The following CCDC50 variants were observed in gnomAD, a reference collection of about 807,000 sequenced individuals.
CCDC50 encodes the protein coiled-coil domain containing 50.
A neutral mutation model predicts 70.2 loss-of-function variants in CCDC50; 54 were observed. The observed-to-expected ratio is 0.77, with a 90% confidence interval of 0.62 to 0.96. The LOEUF (loss-of-function observed/expected upper bound fraction) is 0.96. Ranked by LOEUF, CCDC50 falls within the 50% of genes least tolerant of loss-of-function variation. The pLI is 0.00. For missense variants in CCDC50, 558 were observed against 578.7 expected (o/e 0.96, Z 0.37); for synonymous variants, 216 against 198.8 (o/e 1.09, Z -0.73).
At chr3:191,366,718 T>C (rs1188808086) in intron 4 of CCDC50, among the ~76,000 whole-genome samples, 1 of 152,106 alleles carries the variant, frequency 6.6e-6, no homozygotes, top group Non-Finnish European at 1.5e-5. Context: ...AATATGCATC[T>C]TAAAGAGTTA....
chr3:191,369,974 A>C lies in CCDC50; in HGVS notation c.386A>C (p.Lys129Thr), dbSNP rs1383703207. The change falls in exon 5 of 12, where the codon AAA becomes ACA. Residue 129 changes from lysine to threonine, a missense_variant. Physicochemically the swap from Lys to Thr is moderately conservative, Grantham distance 78. Coordinates refer to ENST00000392455, the MANE Select transcript of CCDC50 (RefSeq NM_178335.3). ...TTACAGGAAGAGAAAAAGAGAAAGA[A>C]ACACTTTCCAGAGTTCCCTGCAACC... ...KELQEEKKRK[K>T]HFPEFPATRA... is the part of the protein sequence containing the mutation. 1.9e-6 allele frequency: 3 copies of C among 1,613,506 alleles called. No individual in the cohort carries two copies. Among genetic ancestry groups the C allele is most frequent in the African/African-American group, 2.7e-5 (2 of 74,906 alleles).
chr3:191,364,264 T>G (rs945303218), intron 4 of CCDC50, among the ~76,000 whole-genome samples: 2 of 152,054 alleles, frequency 1.3e-5, no homozygotes, highest in African/African-American at 4.8e-5. Flanking sequence ...AGACAGGGTT[T>G]CGTCATGTTG....
At chr3:191,330,107 A>G (rs1717915598) in intron 1 of CCDC50, among the ~76,000 whole-genome samples, 1 of 152,046 alleles carries the variant, frequency 6.6e-6, no homozygotes, top group Admixed American at 6.5e-5. Flanking sequence ...GGAAGTGGAG[A>G]GGGGTTGACA....
At position 191,398,183 on chromosome 3, in the gene CCDC50, C is replaced by T. The variant is rs2108683185; in HGVS notation, c.*6423C>T. The stretch of plus-strand genomic sequence containing the variant: ...CGTTAAGGCACTCCCAAAACGCAAA[C>T]CTCCTTTTTTAAATGCCAATTGTAC... On this transcript the variant is annotated 3_prime_UTR_variant, in exon 12 of 12. Transcript: ENST00000392455. 6.6e-6 allele frequency: 1 copy of T among 152,268 alleles called. No individual in the cohort carries two copies. Among genetic ancestry groups the T allele is most frequent in the South Asian group, 2.1e-4 (1 of 4,816 alleles). The allele number at this position is 152,268 out of a possible 1,614,324, so 9.4% of individuals were successfully genotyped here.
chr3:191,376,413 T>G (rs1713115065), intron 6 of CCDC50, among the ~76,000 whole-genome samples: 1 of 152,160 alleles, frequency 6.6e-6, no homozygotes, highest in African/African-American at 2.4e-5. Context: ...GGCTTAACTC[T>G]GAAGTCCATC....
chr3:191,353,479 T>C (rs917932387), intron 1 of CCDC50, among the ~76,000 whole-genome samples: 2 of 141,348 alleles, frequency 1.4e-5, no homozygotes, highest in Non-Finnish European at 3.2e-5. Flanking sequence ...ATGCCGTTTA[T>C]CCTCAGTAGG....
At chr3:191,337,536 G>A (rs1260165041) in intron 1 of CCDC50, among the ~76,000 whole-genome samples, 4 of 151,882 alleles carry the variant, frequency 2.6e-5, no homozygotes, top group African/African-American at 9.7e-5. Flanking sequence ...GTAGAGACAG[G>A]GTTTCACTGT....
At position 191,375,297 on chromosome 3, in the gene CCDC50, C is replaced by G; in HGVS notation, c.684C>G (p.Ser228=). Residue 228 remains serine, a synonymous_variant, in exon 6 of 12, where the codon TCC becomes TCG. Coordinates refer to ENST00000392455, the MANE Select transcript of CCDC50 (RefSeq NM_178335.3). ...ATGAGCAGCATGAAAGGAAACGGTCCACTCAGGAGAGGCCTCGGAGACCTC... is the reference window on the plus strand; with the variant it reads ...ATGAGCAGCATGAAAGGAAACGGTCGACTCAGGAGAGGCCTCGGAGACCTC... ...INNEQHERKR[S]TQERPRRPLL... 6.2e-7 allele frequency: 1 copy of G among 1,613,604 alleles called. No homozygotes were observed. The highest frequency in any genetic ancestry group is 1.1e-5 in the South Asian group (1 of 91,058).
At chr3:191,384,867 TC>T (rs1362656275) in intron 10 of CCDC50, among the ~76,000 whole-genome samples, 16 of 152,136 alleles carry the variant, frequency 1.1e-4, no homozygotes, top group Non-Finnish European at 7.4e-5. Context: ...CATCTTTAAG[TC>T]CATGTGAACC....
intron 5 of CCDC50, among the ~76,000 whole-genome samples, 194 bp from the exon 6 acceptor site, chr3:191,374,868 C>T (rs1417098307): frequency 6.6e-6 from 1 of 152,130 alleles, no homozygotes; most frequent in African/African-American, 2.4e-5. Flanking sequence ...GCTATGTACC[C>T]AGAATTCTTT....
chr3:191,352,891 C>T (rs2108645200), intron 1 of CCDC50, among the ~76,000 whole-genome samples: 1 of 142,104 alleles, frequency 7.0e-6, no homozygotes, highest in South Asian at 2.2e-4. Flanking sequence ...GTCATAATAG[C>T]AGAGTTTAAT....
At chr3:191,370,059 C>A (rs1712845329) in intron 5 of CCDC50, 23 bp downstream of exon 5, 1 of 1,459,480 alleles carries the variant, frequency 6.9e-7, no homozygotes, top group South Asian at 1.1e-5. Context: ...GCATCATGAT[C>A]TATTCTATCC....
intron 10 of CCDC50, among the ~76,000 whole-genome samples, chr3:191,386,349 C>T (rs1053197994): frequency 6.6e-6 from 1 of 151,676 alleles, no homozygotes; most frequent in South Asian, 2.1e-4. Context: ...CTCAGCCTCC[C>T]AAGTAACTGG....
intron 5 of CCDC50, among the ~76,000 whole-genome samples, chr3:191,372,043 A>C (rs189160692): frequency 6.6e-6 from 1 of 152,326 alleles, no homozygotes. Flanking sequence ...TGTTAATTTT[A>C]GCATTCCCCT....
At chr3:191,375,011 C>A in intron 5 of CCDC50, 51 bp from the exon 6 acceptor site, 1 of 1,578,200 alleles carries the variant, frequency 6.3e-7, no homozygotes, top group South Asian at 1.1e-5. Context: ...TCATAACTCT[C>A]ATTAAATTAA....
At position 191,397,160 on chromosome 3, in the gene CCDC50, A is replaced by AT. The variant is rs1159528396; in HGVS notation, c.*5400_*5401insT. On this transcript the variant is annotated 3_prime_UTR_variant, in exon 12 of 12. Coordinates refer to ENST00000392455, the MANE Select transcript of CCDC50 (RefSeq NM_178335.3). Reference sequence around the variant, plus strand: ...TTTCTTCCCAAAAGATCAAGTAAGGAGTAAGAACAAGTAAGGGAAGACAGC... The same window carrying AT: ...TTTCTTCCCAAAAGATCAAGTAAGGATGTAAGAACAAGTAAGGGAAGACAGC... 6.6e-6 allele frequency: 1 copy of AT among 152,186 alleles called. No individual in the cohort carries two copies. The highest frequency in any genetic ancestry group is 1.5e-5 in the Non-Finnish European group (1 of 68,036). The allele number at this position is 152,186 out of a possible 1,614,324, so 9.4% of individuals were successfully genotyped here.
intron 1 of CCDC50, among the ~76,000 whole-genome samples, chr3:191,330,250 G>C (rs1026131263): frequency 6.6e-6 from 1 of 151,922 alleles, no homozygotes; most frequent in African/African-American, 2.4e-5. Flanking sequence ...TCTTGGCTGT[G>C]TTCTGCGCGG....
chr3:191,347,275 A>G (rs1711959487), intron 1 of CCDC50, among the ~76,000 whole-genome samples: 2 of 141,558 alleles, frequency 1.4e-5, no homozygotes, highest in South Asian at 4.5e-4. Flanking sequence ...CTTATACTTA[A>G]TTTATTAACA....
rs761351849 is a variant in CCDC50, at chr3:191,375,138, G to A, written c.525G>A (p.Lys175=). ...SRPCRLQRDG[K]TVKHKKEKPE... is the part of the protein sequence containing the mutation. Reference sequence around the variant, plus strand: ...CTTGTAGACTCCAAAGAGATGGAAAGACTGTGAAGCACAAGAAAGAGAAAC... The same window carrying A: ...CTTGTAGACTCCAAAGAGATGGAAAAACTGTGAAGCACAAGAAAGAGAAAC... Residue 175 remains lysine, a synonymous_variant, in exon 6 of 12, where the codon AAG becomes AAA. Transcript: ENST00000392455. 1.9e-6 allele frequency: 3 copies of A among 1,613,606 alleles called. No individual in the cohort carries two copies. The Admixed American group carries it at 5.0e-5, about 27-fold the overall frequency.
Sources: allele counts gnomAD v4.1 joint callset (sites outside exome capture counted in the v4.1 genomes callset), GRCh38; gene constraint gnomAD v4.1.1; transcripts MANE v1.5; gene names NCBI Gene and HGNC (gene_info 2026-07-23, HGNC 2026-07-21).